Variants in MAP4K4 observed in about 807,000 individuals in gnomAD.
MAP4K4 encodes mitogen-activated protein kinase kinase kinase kinase 4.
Under a neutral mutation model 189.6 loss-of-function variants are expected in MAP4K4, and 38 were observed. That is an observed-to-expected ratio of 0.20 (90% confidence interval 0.15 to 0.26). MAP4K4 has a LOEUF of 0.26. Ranked by LOEUF, MAP4K4 falls within the 10% of genes least tolerant of loss-of-function variation. The pLI is 1.00. For missense variants in MAP4K4, 1,054 were observed against 1,726.9 expected (o/e 0.61, Z 6.91); for synonymous variants, 610 against 624.3 (o/e 0.98, Z 0.34).
chr2:101,793,298 GGGGCACAGTCATTGCCCATA>G (rs1481827831), intron 3 of MAP4K4, among the ~76,000 whole-genome samples: 1 of 152,184 alleles, frequency 6.6e-6, no homozygotes, highest in Non-Finnish European at 1.5e-5. Context: ...GCTATAGCAT[GGGGCACAGTCATTGCCCATA>G]GTAAGTGTTG....
At chr2:101,707,535 C>CA (rs1206067540) in intron 2 of MAP4K4, among the ~76,000 whole-genome samples, 3 of 151,898 alleles carry the variant, frequency 2.0e-5, no homozygotes, top group Non-Finnish European at 2.9e-5. Context: ...TCTTTTGAGA[C>CA]AGAGTTTTGC....
At chr2:101,698,214 G>C in intron 1 of MAP4K4, 77 bp downstream of exon 1, 1 of 594,944 alleles carries the variant, frequency 1.7e-6, no homozygotes, top group Non-Finnish European at 2.1e-6. Flanking sequence ...CAGGTCGGCC[G>C]GGCGCTCGGG....
chr2:101,738,953 G>A (rs1558660627), intron 2 of MAP4K4, among the ~76,000 whole-genome samples: 2 of 152,086 alleles, frequency 1.3e-5, no homozygotes, highest in Non-Finnish European at 2.9e-5. Context: ...TTCATAAAGT[G>A]ACACATATAT....
chr2:101,747,946 G>A (rs148458750), intron 2 of MAP4K4, among the ~76,000 whole-genome samples: 39 of 152,318 alleles, frequency 2.6e-4, no homozygotes, highest in Middle Eastern at 3.4e-3. Flanking sequence ...AACTGGTGTC[G>A]TGATGAATGT....
intron 3 of MAP4K4, among the ~76,000 whole-genome samples, chr2:101,806,224 G>T (rs1399011563): frequency 1.3e-5 from 2 of 152,110 alleles, no homozygotes; most frequent in Non-Finnish European, 2.9e-5. Flanking sequence ...AGCAGTAACT[G>T]CTAGGTTGAG....
rs981525683 is a variant in MAP4K4 at position 101,727,022 on chromosome 2, C to T, written c.123+28484C>T. Among the ~76,000 whole-genome samples, 23 of 152,196 alleles carry T rather than the reference C, an allele frequency of 1.5e-4. No homozygotes were observed. In the East Asian group the frequency reaches 4.5e-3, roughly 29 times the overall value. ...GTCTCTTTTCCTCTTGACCACCAGT[C>T]CCACTCCCATGATAACCTATTAGTC... On this transcript the variant is annotated intron_variant, in intron 2 of 32. Transcript: ENST00000324219.
At chr2:101,823,641 C>T (rs1021647601) in intron 3 of MAP4K4, among the ~76,000 whole-genome samples, 5 of 152,192 alleles carry the variant, frequency 3.3e-5, no homozygotes, top group Non-Finnish European at 7.3e-5. Flanking sequence ...GTGCATTGCC[C>T]GAGGTCACAG....
At chr2:101,868,122 C>A in intron 21 of MAP4K4, 85 bp downstream of exon 21, 1 of 1,438,958 alleles carries the variant, frequency 6.9e-7, no homozygotes. Flanking sequence ...TGCGGTCCTG[C>A]TCCTTCCTCA....
At chr2:101,750,102 C>T (rs1326540930) in intron 2 of MAP4K4, among the ~76,000 whole-genome samples, 3 of 149,514 alleles carry the variant, frequency 2.0e-5, no homozygotes, top group East Asian at 3.9e-4. Context: ...GTCAGTGTGG[C>T]GATTCCTCAG....
chr2:101,850,508 A>G (rs1576741846), intron 12 of MAP4K4, among the ~76,000 whole-genome samples: 1 of 151,962 alleles, frequency 6.6e-6, no homozygotes, highest in Non-Finnish European at 1.5e-5. Context: ...CCATTTTCTC[A>G]CTCCTCCTTT....
At chr2:101,813,573 G>A (rs1474067973) in intron 3 of MAP4K4, among the ~76,000 whole-genome samples, 4 of 152,150 alleles carry the variant, frequency 2.6e-5, no homozygotes, top group African/African-American at 9.7e-5. Flanking sequence ...TTCCAAGAGA[G>A]GCACTTGCAG....
chr2:101,743,587 A>G (rs1257138845), intron 2 of MAP4K4, among the ~76,000 whole-genome samples: 1 of 152,110 alleles, frequency 6.6e-6, no homozygotes, highest in Non-Finnish European at 1.5e-5. Flanking sequence ...TCCCCACTTC[A>G]GACATGATAA....
chr2:101,831,252 T>C (rs1453601533), intron 6 of MAP4K4, among the ~76,000 whole-genome samples: 2 of 139,068 alleles, frequency 1.4e-5, no homozygotes, highest in Non-Finnish European at 3.0e-5. Context: ...CTTGATTTTC[T>C]TTATTTGATT....
chr2:101,785,702 C>CTTTTCCTTTTTTGAG (rs1558913893), intron 2 of MAP4K4, among the ~76,000 whole-genome samples: 2 of 4,624 alleles, frequency 4.3e-4, no homozygotes, highest in Non-Finnish European at 6.9e-4. Context: ...CTCTCTCTCT[C>CTTTTCCTTTTTTGAG]TCTCTCTCTC....
intron 3 of MAP4K4, among the ~76,000 whole-genome samples, chr2:101,792,923 C>T (rs995316340): frequency 2.0e-5 from 3 of 152,266 alleles, no homozygotes; most frequent in East Asian, 1.9e-4. Flanking sequence ...TGTGAGCCAC[C>T]GCGTCTGGCC....
intron 2 of MAP4K4, among the ~76,000 whole-genome samples, chr2:101,787,613 CT>C (rs2091778015): frequency 6.6e-6 from 1 of 152,028 alleles, no homozygotes; most frequent in African/African-American, 2.4e-5. Flanking sequence ...AACTTTTGTC[CT>C]TTAAAAAACT....
intron 3 of MAP4K4, among the ~76,000 whole-genome samples, chr2:101,792,791 AC>A (rs1395181571): frequency 1.3e-5 from 2 of 151,878 alleles, no homozygotes; most frequent in Admixed American, 1.3e-4. Context: ...TCCCACTGCC[AC>A]CCCTAGCTAA....
In MAP4K4 at chr2:101,757,898, G is replaced by A. The variant is rs569252497; in HGVS notation, c.124-32822G>A. 3.3e-5 allele frequency among the ~76,000 whole-genome samples: 5 copies of A among 152,192 alleles called. No individual in the cohort carries two copies. In the East Asian group the frequency reaches 7.7e-4, roughly 24 times the overall value. ...TATTTTTACAGGCGTGGTGGTACAC[G>A]CCTGTAATCCCAGCTACTTGAGAGG... is the stretch of plus-strand genomic sequence containing the variant. On this transcript the variant is annotated intron_variant, in intron 2 of 32. Transcript: ENST00000324219.
At chr2:101,821,961 C>T (rs533107713) in intron 3 of MAP4K4, among the ~76,000 whole-genome samples, 2 of 152,148 alleles carry the variant, frequency 1.3e-5, no homozygotes, top group South Asian at 2.1e-4. Flanking sequence ...TACACATGGT[C>T]AGGCTCATCA....
Sources: allele counts gnomAD v4.1 joint callset (sites outside exome capture counted in the v4.1 genomes callset), GRCh38; gene constraint gnomAD v4.1.1; transcripts MANE v1.5; gene names NCBI Gene and HGNC (gene_info 2026-07-23, HGNC 2026-07-21).